TFB1M: variants seen among roughly 807,000 people sequenced by gnomAD.
TFB1M encodes transcription factor B1, mitochondrial.
TFB1M carries 27 observed loss-of-function variants against 31.1 expected under a neutral mutation model. The ratio of observed to expected loss-of-function variants is 0.87; its 90% CI spans 0.64 to 1.20. The LOEUF is 1.20. Among genes scored for constraint, TFB1M ranks in the 50% most tolerant of loss-of-function variants. The pLI, the probability that TFB1M is intolerant of heterozygous loss-of-function variation, is 0.00. For synonymous variants in TFB1M, 166 were observed against 151.8 expected (o/e 1.09, Z -0.69); for missense variants, 394 against 418.7 (o/e 0.94, Z 0.51).
chr6:155,257,109 C>T lies in TFB1M; in HGVS notation c.*727G>A, dbSNP rs767197684. 6.8e-6 allele frequency: 11 copies of T among 1,607,386 alleles called. No homozygotes were observed. Among genetic ancestry groups the T allele is most frequent in the East Asian group, 6.7e-5 (3 of 44,688 alleles). ...AGTGTTTTTATGAAACAGAGAGCCA[C>T]GGAAAATCATAGTATGATTCAATCC... On this transcript the variant is annotated 3_prime_UTR_variant, in exon 7 of 7. Coordinates refer to ENST00000367166, the MANE Select transcript of TFB1M (RefSeq NM_016020.4).
the TFB1M span, among the ~76,000 whole-genome samples, chr6:155,236,579 C>CAA: frequency 6.6e-6 from 1 of 152,134 alleles, no homozygotes; most frequent in Non-Finnish European, 1.5e-5. Context: ...AGGAGAATTG[C>CAA]TTGCACCCGG....
chr6:155,305,604 T>TTATATATTTATATATAA (rs1562425832), intron 2 of TFB1M, among the ~76,000 whole-genome samples: 2 of 12,164 alleles, frequency 1.6e-4, no homozygotes, highest in Non-Finnish European at 2.6e-4. Context: ...TATATATAAA[T>TTATATATTTATATATAA]ATATATATAT....
downstream of TFB1M, chr6:155,254,835 A>T (rs993613656): frequency 2.4e-6 from 1 of 420,438 alleles, no homozygotes; most frequent in East Asian, 4.0e-5. Context: ...TAAGATGTGC[A>T]TGGGTCCAGG....
At position 155,274,019 on chromosome 6, in the gene TFB1M, G is replaced by A. The variant is rs1295550792; in HGVS notation, c.666+11139C>T. On this transcript the variant is annotated intron_variant, in intron 5 of 6. Transcript: ENST00000367166. Reference sequence around the variant, plus strand: ...GAGGACTTTCTGTGGCTTAAATATTGGTCTAAGCCCTTAAAATGTATTAAC... The same window carrying A: ...GAGGACTTTCTGTGGCTTAAATATTAGTCTAAGCCCTTAAAATGTATTAAC... Among the ~76,000 whole-genome samples the A allele has an allele frequency of 4.6e-5, 7 of 152,186 alleles. No individual in the cohort carries two copies. The East Asian group carries it at 9.7e-4, about 21-fold the overall frequency.
At chr6:155,252,416 C>G (rs1248839011), downstream of TFB1M, among the ~76,000 whole-genome samples, 1 of 152,146 alleles carries the variant, frequency 6.6e-6, no homozygotes, top group African/African-American at 2.4e-5. Flanking sequence ...CTGCAGTGAG[C>G]CTTGATCATG....
intron 3 of TFB1M, among the ~76,000 whole-genome samples, chr6:155,298,249 CA>C (rs1167700594): frequency 1.3e-5 from 2 of 151,788 alleles, no homozygotes; most frequent in Non-Finnish European, 2.9e-5. Flanking sequence ...GCACAGAATA[CA>C]AAACATTTGG....
At chr6:155,250,965 T>C in the TFB1M span, 19 of 1,614,202 alleles carry the variant, frequency 1.2e-5, no homozygotes, top group Non-Finnish European at 1.6e-5. Context: ...GTTTCCTGGT[T>C]GAATCCATTT....
At chr6:155,296,393 G>A (rs1022878033) in intron 4 of TFB1M, among the ~76,000 whole-genome samples, 11 of 150,092 alleles carry the variant, frequency 7.3e-5, no homozygotes, top group African/African-American at 2.0e-4. Context: ...CTGAGTAGCT[G>A]GGATTACAGG....
the TFB1M span, among the ~76,000 whole-genome samples, chr6:155,234,369 C>A: frequency 6.6e-6 from 1 of 152,198 alleles, no homozygotes; most frequent in African/African-American, 2.4e-5. Context: ...CTCACTGTAA[C>A]CTTGAACTCC....
chr6:155,253,114 G>A (rs866119798), downstream of TFB1M: 9 of 1,401,230 alleles, frequency 6.4e-6, no homozygotes, highest in Middle Eastern at 3.5e-4. Flanking sequence ...ACTGTGGAAT[G>A]TAAATTAAGA....
the TFB1M span, chr6:155,244,074 G>A: frequency 6.2e-7 from 1 of 1,613,928 alleles, no homozygotes; most frequent in Non-Finnish European, 8.5e-7. Flanking sequence ...TCTTACCCAA[G>A]ATGAGGTAAA....
At chr6:155,252,148 A>G, downstream of TFB1M, 1 of 639,548 alleles carries the variant, frequency 1.6e-6, no homozygotes, top group East Asian at 2.8e-5. Flanking sequence ...TCACATACTG[A>G]GAGCGTTTCT....
intron 5 of TFB1M, among the ~76,000 whole-genome samples, chr6:155,279,379 C>T (rs528084420): frequency 1.2e-4 from 18 of 152,114 alleles, no homozygotes; most frequent in South Asian, 2.1e-4. Context: ...AGCTGGTTAA[C>T]GACTGACTAG....
At chr6:155,293,982 T>A (rs1414560913) in intron 4 of TFB1M, among the ~76,000 whole-genome samples, 1 of 152,204 alleles carries the variant, frequency 6.6e-6, no homozygotes, top group African/African-American at 2.4e-5. Flanking sequence ...CTCTCTGTCC[T>A]GTAGGGAGCC....
chr6:155,275,162 C>T (rs1369295127), intron 5 of TFB1M, among the ~76,000 whole-genome samples: 1 of 151,956 alleles, frequency 6.6e-6, no homozygotes. Flanking sequence ...GGAGGTGGAG[C>T]TTGCAGTGAG....
At chr6:155,269,309 CTT>C (rs1784813755) in intron 5 of TFB1M, among the ~76,000 whole-genome samples, 1 of 95,504 alleles carries the variant, frequency 1.0e-5, no homozygotes, top group Non-Finnish European at 2.0e-5. Context: ...GCTTAGTTTT[CTT>C]TTCTTTTCTT....
intron 5 of TFB1M, among the ~76,000 whole-genome samples, chr6:155,281,300 T>A (rs1785486484): frequency 6.6e-6 from 1 of 152,226 alleles, no homozygotes; most frequent in East Asian, 1.9e-4. Context: ...AAACTAGCAG[T>A]ACTGGAATTC....
In TFB1M at chr6:155,257,767, A is replaced by G; in HGVS notation, c.*69T>C. On this transcript the variant is annotated 3_prime_UTR_variant, in exon 7 of 7. Coordinates refer to ENST00000367166, the MANE Select transcript of TFB1M (RefSeq NM_016020.4). ...TATCGTCATTCTGTAAAGACAAAAG[A>G]GTACCTATATAAGAAGCTCCACGTA... The G allele has an allele frequency of 3.8e-6, 6 of 1,585,392 alleles. No homozygotes were observed. Among genetic ancestry groups the G allele is most frequent in the Non-Finnish European group, 3.4e-6 (4 of 1,161,968 alleles).
chr6:155,307,166 C>CAT (rs1209471964), intron 2 of TFB1M, among the ~76,000 whole-genome samples: 1 of 139,758 alleles, frequency 7.2e-6, no homozygotes, highest in African/African-American at 2.6e-5. Flanking sequence ...CACACACACA[C>CAT]ATATACACAC....
Sources: allele counts gnomAD v4.1 joint callset (sites outside exome capture counted in the v4.1 genomes callset), GRCh38; gene constraint gnomAD v4.1.1; transcripts MANE v1.5; gene names NCBI Gene and HGNC (gene_info 2026-07-23, HGNC 2026-07-21).